Variants in UGGT1 observed in about 807,000 individuals in gnomAD.
The protein encoded by UGGT1 is UDP-glucose:glycoprotein glucosyltransferase 1.
A neutral mutation model predicts 203.9 loss-of-function variants in UGGT1; 107 were observed. The observed-to-expected ratio is 0.52, with a 90% CI of 0.45 to 0.62. The LOEUF (loss-of-function observed/expected upper bound fraction) is 0.62, where lower values mean the gene tolerates loss of function less well. Ranked by LOEUF, UGGT1 falls within the 20% of genes least tolerant of loss-of-function variation. The pLI, the probability that UGGT1 is intolerant of heterozygous loss-of-function variation, is 0.00. For synonymous variants in UGGT1, 628 were observed against 653.5 expected (o/e 0.96, Z 0.59); for missense variants, 1,673 against 1,867.2 (o/e 0.90, Z 1.92).
intron 1 of UGGT1, among the ~76,000 whole-genome samples, chr2:128,094,674 TTCTGAGGCTGCAG>T (rs1325764563): frequency 6.6e-6 from 1 of 151,604 alleles, no homozygotes; most frequent in Non-Finnish European, 1.5e-5. Flanking sequence ...TAGAGCAGGT[TTCTGAGGCTGCAG>T]TCTGTGGGCC....
rs184855975 is a variant in UGGT1 at position 128,112,667 on chromosome 2, C to T, written c.522-417C>T. On this transcript the variant is annotated intron_variant, in intron 5 of 40. Transcript: ENST00000259253. ...GAATGATCATGGATCACTGCACCCT[C>T]GACCTCTGGGGCTCAGGTGATCCTC... Among the ~76,000 whole-genome samples the T allele has an allele frequency of 2.0e-4, 30 of 149,766 alleles. No individual in the cohort carries two copies. In the East Asian group the frequency reaches 3.6e-3, roughly 18 times the overall value.
At chr2:128,169,503 T>C (rs1483020894) in intron 26 of UGGT1, among the ~76,000 whole-genome samples, 1 of 152,264 alleles carries the variant, frequency 6.6e-6, no homozygotes, top group Admixed American at 6.5e-5. Flanking sequence ...TGACAATACT[T>C]ATTAGCCGCA....
At chr2:128,167,962 G>T (rs1452107540) in intron 26 of UGGT1, among the ~76,000 whole-genome samples, 8 of 152,108 alleles carry the variant, frequency 5.3e-5, no homozygotes, top group Non-Finnish European at 8.8e-5. Flanking sequence ...ATGACCAGAT[G>T]TTACACTCTT....
At chr2:128,179,099 C>G (rs1158050054) in intron 34 of UGGT1, among the ~76,000 whole-genome samples, 1 of 152,082 alleles carries the variant, frequency 6.6e-6, no homozygotes, top group Non-Finnish European at 1.5e-5. Flanking sequence ...ACCAGAGGCA[C>G]TGTCAGGAAG....
intron 33 of UGGT1, among the ~76,000 whole-genome samples, chr2:128,178,139 C>A (rs188128560): frequency 2.1e-4 from 32 of 152,316 alleles, no homozygotes; most frequent in African/African-American, 7.5e-4. Flanking sequence ...CTGCTCCATA[C>A]TTTGTGACTC....
intron 15 of UGGT1, among the ~76,000 whole-genome samples, chr2:128,138,230 T>G (rs759043172): frequency 3.3e-5 from 5 of 152,248 alleles, no homozygotes; most frequent in Non-Finnish European, 7.3e-5. Flanking sequence ...TATTAATACT[T>G]TGTAAGTGGC....
chr2:128,131,599 A>G (rs1688879361), intron 13 of UGGT1, among the ~76,000 whole-genome samples: 1 of 152,042 alleles, frequency 6.6e-6, no homozygotes, highest in South Asian at 2.1e-4. Context: ...GAACTAGAGT[A>G]TTGTATTGTG....
chr2:128,133,434 G>A (rs1456178226), intron 14 of UGGT1, among the ~76,000 whole-genome samples, 174 bp downstream of exon 14: 1 of 152,162 alleles, frequency 6.6e-6, no homozygotes, highest in Non-Finnish European at 1.5e-5. Context: ...CTGACCACTT[G>A]TGGGGCTGTG....
At chr2:128,128,649 C>CTT (rs1282797135) in intron 12 of UGGT1, among the ~76,000 whole-genome samples, 10 of 152,184 alleles carry the variant, frequency 6.6e-5, no homozygotes, top group African/African-American at 7.2e-5. Flanking sequence ...CAGCAAACCT[C>CTT]TAAGTTGGGT....
rs73957672 is a variant in UGGT1 at position 128,107,568 on chromosome 2, G to C, written c.278-370G>C. On this transcript the variant is annotated intron_variant, in intron 3 of 40. Transcript: ENST00000259253. The stretch of plus-strand genomic sequence containing the variant: ...ATAAGTGAAAGAGGTAAACAAAGAC[G>C]TGTTCTGGGATTGAGGAAGAGGTTT... Among the ~76,000 whole-genome samples, 1,452 of 152,300 alleles carry C rather than the reference G, an allele frequency of 9.5e-3. 23 individuals carry two copies. Among genetic ancestry groups the C allele is most frequent in the African/African-American group, 0.032 (1,327 of 41,564 alleles).
At chr2:128,108,818 A>G (rs1687721680) in intron 4 of UGGT1, among the ~76,000 whole-genome samples, 1 of 152,142 alleles carries the variant, frequency 6.6e-6, no homozygotes, top group African/African-American at 2.4e-5. Context: ...CCCTGAAACC[A>G]ACCACCCTGT....
intron 12 of UGGT1, among the ~76,000 whole-genome samples, chr2:128,127,727 A>C (rs1445790958): frequency 6.6e-6 from 1 of 152,186 alleles, no homozygotes; most frequent in Non-Finnish European, 1.5e-5. Context: ...GGGAACATAG[A>C]AAAGAACAGG....
chr2:128,128,971 G>A, intron 12 of UGGT1, 58 bp from the exon 13 acceptor site: 2 of 1,461,140 alleles, frequency 1.4e-6, no homozygotes, highest in Non-Finnish European at 1.8e-6. Flanking sequence ...TTCATGGTGA[G>A]AATTTTTTTT....
intron 18 of UGGT1, 118 bp downstream of exon 18, chr2:128,146,085 A>G (rs934457674): frequency 2.4e-6 from 3 of 1,264,296 alleles, no homozygotes; most frequent in African/African-American, 1.5e-5. Context: ...AGGCGAGAGG[A>G]TGGTTTGAGG....
At position 128,145,806 on chromosome 2, in the gene UGGT1, G is replaced by A. The variant is rs1044485374; in HGVS notation, c.1855G>A (p.Ala619Thr). ...TTTGTGGTTACTTGTGTTTCAGGAA[G>A]CAAGAGGCTACTATGAGCAGACTGG... ...DSAYDRNRKE[A>T]RGYYEQTGVG... is the part of the protein sequence containing the mutation. Residue 619 changes from alanine (A) to threonine (T), a missense_variant, in exon 18 of 41, where the codon GCA (alanine) becomes ACA (threonine). By Grantham distance (58) the Ala-to-Thr change is moderately conservative. Coordinates refer to ENST00000259253, the MANE Select transcript of UGGT1 (RefSeq NM_020120.4). The A allele has an allele frequency of 1.3e-6, 2 of 1,562,062 alleles. No individual in the cohort carries two copies. The highest frequency in any genetic ancestry group is 1.2e-5 in the South Asian group (1 of 84,470).
chr2:128,091,764 C>A (rs1417930070), intron 1 of UGGT1, among the ~76,000 whole-genome samples: 3 of 152,138 alleles, frequency 2.0e-5, no homozygotes, highest in African/African-American at 4.8e-5. Context: ...CTTTGCAGGA[C>A]CCTGATTGCA....
chr2:128,156,628 G>T (rs755239957), intron 21 of UGGT1, among the ~76,000 whole-genome samples: 1 of 150,562 alleles, frequency 6.6e-6, no homozygotes, highest in African/African-American at 2.5e-5. Context: ...CATGATCTCG[G>T]CTCACTGCAA....
intron 21 of UGGT1, among the ~76,000 whole-genome samples, chr2:128,156,934 G>A (rs1453172823): frequency 6.6e-6 from 1 of 152,248 alleles, no homozygotes; most frequent in Non-Finnish European, 1.5e-5. Flanking sequence ...AAATTAGTAT[G>A]ATTAAAAATG....
intron 19 of UGGT1, among the ~76,000 whole-genome samples, chr2:128,154,056 T>TACACACAC: frequency 1.2e-5 from 1 of 83,234 alleles, no homozygotes; most frequent in African/African-American, 4.5e-5. Context: ...AATACATGTA[T>TACACACAC]ATATACACAC....
Sources: allele counts gnomAD v4.1 joint callset (sites outside exome capture counted in the v4.1 genomes callset), GRCh38; gene constraint gnomAD v4.1.1; transcripts MANE v1.5; gene names NCBI Gene and HGNC (gene_info 2026-07-23, HGNC 2026-07-21).